Variants in TDRD12 observed in about 807,000 individuals in gnomAD.
The protein encoded by TDRD12 is putative ATP-dependent RNA helicase TDRD12.
A neutral mutation model predicts 133.5 loss-of-function variants in TDRD12; 158 were observed. That is an observed-to-expected ratio of 1.18 (90% CI 1.04 to 1.35). The LOEUF (loss-of-function observed/expected upper bound fraction) is 1.35. Ranked by LOEUF, TDRD12 falls within the 40% of genes most tolerant of loss-of-function variation. The pLI is 0.00. For synonymous variants in TDRD12, 460 were observed against 477.9 expected (o/e 0.96, Z 0.49); for missense variants, 1,443 against 1,321.3 (o/e 1.09, Z -1.43).
chr19:32,823,115 T>A (rs112543755), downstream of TDRD12, among the ~76,000 whole-genome samples: 3,835 of 152,228 alleles, frequency 0.025, 148 homozygotes, highest in African/African-American at 0.086. Flanking sequence ...GGACCCTGCA[T>A]GGCTCTGCTC....
intron 13 of TDRD12, among the ~76,000 whole-genome samples, chr19:32,793,316 G>A (rs1260280725): frequency 1.3e-5 from 2 of 152,100 alleles, no homozygotes; most frequent in South Asian, 2.1e-4. Flanking sequence ...TTAAAAAAAC[G>A]TACTTCCCTT....
chr19:32,743,792 G>T (rs2145487265), intron 4 of TDRD12, among the ~76,000 whole-genome samples: 1 of 152,180 alleles, frequency 6.6e-6, no homozygotes, highest in South Asian at 2.1e-4. Context: ...ACTTTGGGAG[G>T]CCAAGGCATG....
At chr19:32,763,440 T>C (rs1970207009) in intron 8 of TDRD12, among the ~76,000 whole-genome samples, 2 of 152,130 alleles carry the variant, frequency 1.3e-5, no homozygotes, top group African/African-American at 4.8e-5. Flanking sequence ...GACTGAGTTG[T>C]GTTATTTTCC....
chr19:32,811,124 A>T (rs892203640), intron 23 of TDRD12, 86 bp from the exon 24 acceptor site: 1 of 990,700 alleles, frequency 1.0e-6, no homozygotes, highest in Non-Finnish European at 1.4e-6. Context: ...GAGTCTTTTT[A>T]TATGTTTTCC....
rs1368328250 is a variant in TDRD12, at chr19:32,740,261, C to T, written c.320+1269C>T. Among the ~76,000 whole-genome samples, 5 of 72,400 alleles carry T rather than the reference C, an allele frequency of 6.9e-5. 1 individual carries two copies. Among genetic ancestry groups the T allele is most frequent in the Non-Finnish European group, 9.8e-5 (4 of 40,750 alleles). The allele number at this position is 72,400 out of a possible 152,430, so 47.5% of individuals were successfully genotyped here. On this transcript the variant is annotated intron_variant, in intron 3 of 27. Coordinates refer to ENST00000444215, the Ensembl canonical transcript of TDRD12. ...GGCACTCTCTGCATCTCCTGGTGCTCTCTCTGCATCTCCTGGGCGCTCTCT... is the reference window on the plus strand; with the variant it reads ...GGCACTCTCTGCATCTCCTGGTGCTTTCTCTGCATCTCCTGGGCGCTCTCT...
chr19:32,802,543 A>G, intron 19 of TDRD12, 113 bp from the exon 20 acceptor site: 1 of 1,271,220 alleles, frequency 7.9e-7, no homozygotes. Flanking sequence ...CTTTGCATCC[A>G]AAAAAGTAAA....
chr19:32,729,778 C>CTTTTTTTTTTT lies in TDRD12; in HGVS notation c.25-1929_25-1919dup, dbSNP rs1162347194. 3.0e-3 allele frequency among the ~76,000 whole-genome samples: 223 copies of CTTTTTTTTTTT among 73,706 alleles called. 3 individuals carry two copies. Among genetic ancestry groups the CTTTTTTTTTTT allele is most frequent in the Non-Finnish European group, 3.4e-3 (140 of 40,956 alleles). 48.4% of individuals were successfully genotyped at this position (73,706 alleles called of 152,430 possible). Reference sequence around the variant, plus strand: ...TTTCTGGTGACTACTTTTTCTTTTTCTTTTTTTTTTTTTTTTTTTTTTTTT... The same window carrying CTTTTTTTTTTT: ...TTTCTGGTGACTACTTTTTCTTTTTCTTTTTTTTTTTTTTTTTTTTTTTTTTTTTTTTTTTT... On this transcript the variant is annotated intron_variant, in intron 1 of 27. Coordinates refer to ENST00000444215, the Ensembl canonical transcript of TDRD12.
chr19:32,745,181 A>G lies in TDRD12; in HGVS notation c.440+2281A>G, dbSNP rs966599462. On this transcript the variant is annotated intron_variant, in intron 4 of 27. Coordinates refer to ENST00000444215, the Ensembl canonical transcript of TDRD12. Reference sequence around the variant, plus strand: ...GCGGCCCACTGCCCACCCTTCAGGCATGATTGGGGCCCCTGTGTGTGCAAC... The same window carrying G: ...GCGGCCCACTGCCCACCCTTCAGGCGTGATTGGGGCCCCTGTGTGTGCAAC... Among the ~76,000 whole-genome samples, 3 of 152,278 alleles carry G rather than the reference A, an allele frequency of 2.0e-5. No homozygotes were observed. The South Asian group carries it at 6.2e-4, about 32-fold the overall frequency.
rs770760991 is a variant in TDRD12, at chr19:32,813,722, G to C, written c.3087G>C (p.Leu1029Phe). 4.0e-5 allele frequency: 62 copies of C among 1,535,064 alleles called. 1 individual carries two copies. Among genetic ancestry groups the C allele is most frequent in the Middle Eastern group, 3.3e-4 (2 of 6,006 alleles). Residue 1029 changes from leucine (L) to phenylalanine (F), a missense_variant, in exon 25 of 28, where the codon TTG (leucine) becomes TTC (phenylalanine). Physicochemically the swap from Leu to Phe is conservative, Grantham distance 22. Transcript: ENST00000444215. The stretch of plus-strand genomic sequence containing the variant: ...TTCATCATAAAATTGTTGGAAAATT[G>C]CATGATGCAAAAGTGATCCTGGCTT...
chr19:32,749,101 T>A (rs1017958642), intron 5 of TDRD12, among the ~76,000 whole-genome samples: 3 of 152,148 alleles, frequency 2.0e-5, no homozygotes, highest in Non-Finnish European at 4.4e-5. Context: ...GGTGCCTCGT[T>A]GGGTCCTGGC....
intron 26 of TDRD12, among the ~76,000 whole-genome samples, chr19:32,816,508 ATATACCAT>A (rs1158300145): frequency 1.3e-5 from 2 of 152,258 alleles, no homozygotes; most frequent in Non-Finnish European, 2.9e-5. Context: ...CTTTGTATGA[ATATACCAT>A]TATTTGTTTA....
intron 11 of TDRD12, among the ~76,000 whole-genome samples, chr19:32,787,453 A>G (rs1309668865): frequency 1.3e-5 from 2 of 152,190 alleles, no homozygotes; most frequent in African/African-American, 4.8e-5. Context: ...TGCTCTCTTC[A>G]TAGCTGTCAG....
chr19:32,800,385 ATGTGTG>A (rs113439291), intron 17 of TDRD12, 27 bp downstream of exon 17: 3 of 1,364,760 alleles, frequency 2.2e-6, no homozygotes, highest in African/African-American at 2.9e-5. Flanking sequence ...GTGTATGTGT[ATGTGTG>A]TGTGTGTGTG....
intron 24 of TDRD12, among the ~76,000 whole-genome samples, chr19:32,812,805 C>T (rs924003742): frequency 6.6e-6 from 1 of 152,168 alleles, no homozygotes; most frequent in Non-Finnish European, 1.5e-5. Flanking sequence ...CCCTTTCGCC[C>T]TGCTTTGTTC....
At chr19:32,807,633 A>G (rs1971591339) in exon 22 of TDRD12, 2 of 1,531,856 alleles carry the variant, frequency 1.3e-6, no homozygotes, top group Admixed American at 2.0e-5. Flanking sequence ...CCCTACCTTC[A>G]TTTGGATACA....
At chr19:32,749,361 AGTG>A (rs1969752890) in intron 5 of TDRD12, among the ~76,000 whole-genome samples, 2 of 152,116 alleles carry the variant, frequency 1.3e-5, no homozygotes, top group Non-Finnish European at 2.9e-5. Context: ...CCTTGAAGGT[AGTG>A]GTAAGAACTC....
chr19:32,763,051 G>A (rs1006729597), intron 8 of TDRD12, among the ~76,000 whole-genome samples: 5 of 152,154 alleles, frequency 3.3e-5, no homozygotes, highest in Admixed American at 2.0e-4. Context: ...GATGTTGCTA[G>A]GCAATAGGAA....
intron 9 of TDRD12, 28 bp from the exon 10 acceptor site, chr19:32,773,428 C>G: frequency 6.5e-7 from 1 of 1,546,000 alleles, no homozygotes; most frequent in Non-Finnish European, 8.8e-7. Flanking sequence ...CATACACATT[C>G]TTTCTGAAGA....
chr19:32,813,424 G>A (rs1967072359), intron 24 of TDRD12, among the ~76,000 whole-genome samples: 1 of 152,148 alleles, frequency 6.6e-6, no homozygotes, highest in Admixed American at 6.5e-5. Context: ...TACAGTGTTG[G>A]GTCCCAAAGG....
Sources: allele counts gnomAD v4.1 joint callset (sites outside exome capture counted in the v4.1 genomes callset), GRCh38; gene constraint gnomAD v4.1.1; transcripts MANE v1.5; gene names NCBI Gene and HGNC (gene_info 2026-07-23, HGNC 2026-07-21).